The following HAPSTR1 variants were observed in gnomAD, a reference collection of about 807,000 sequenced individuals.
The protein encoded by HAPSTR1 is HUWE1-associated protein modifying stress responses 1.
At chr16:9,098,494 G>C in the HAPSTR1 span, among the ~76,000 whole-genome samples, 1 of 152,204 alleles carries the variant, frequency 6.6e-6, no homozygotes, top group African/African-American at 2.4e-5. Context: ...CTGTGACTTA[G>C]ATTGTTACAT....
chr16:9,093,034 G>A, the HAPSTR1 span: 2 of 1,580,776 alleles, frequency 1.3e-6, no homozygotes, highest in African/African-American at 2.7e-5. Context: ...GCCGATTCAG[G>A]GAAGGGCCGC....
chr16:9,113,600 T>C, the HAPSTR1 span, among the ~76,000 whole-genome samples: 6,676 of 152,244 alleles, frequency 0.044, 495 homozygotes, highest in African/African-American at 0.15. Flanking sequence ...TAATTTGAAA[T>C]GATAAAGGGG....
At chr16:9,096,948 T>C in the HAPSTR1 span, among the ~76,000 whole-genome samples, 6 of 152,204 alleles carry the variant, frequency 3.9e-5, no homozygotes, top group East Asian at 1.2e-3. Context: ...TCTTATTTTT[T>C]TTCCTTTTTT....
chr16:9,099,685 G>A, the HAPSTR1 span, among the ~76,000 whole-genome samples: 2 of 152,304 alleles, frequency 1.3e-5, no homozygotes, highest in South Asian at 2.1e-4. Flanking sequence ...ATAGGTACCC[G>A]AAAGTCCACG....
At chr16:9,097,636 C>T in the HAPSTR1 span, among the ~76,000 whole-genome samples, 20 of 152,218 alleles carry the variant, frequency 1.3e-4, no homozygotes, top group Non-Finnish European at 2.8e-4. Context: ...GCTCCTCTGA[C>T]TTAAAAGGCC....
At chr16:9,094,757 G>C in the HAPSTR1 span, among the ~76,000 whole-genome samples, 7 of 152,206 alleles carry the variant, frequency 4.6e-5, no homozygotes, top group South Asian at 6.2e-4. Context: ...TGCTTTTGTT[G>C]GTATTGCTTT....
chr16:9,098,284 G>A, the HAPSTR1 span, among the ~76,000 whole-genome samples: 2 of 152,282 alleles, frequency 1.3e-5, no homozygotes, highest in Non-Finnish European at 2.9e-5. Flanking sequence ...GGTGAGCCGA[G>A]ATCAGGCCAT....
chr16:9,092,891 G>GT, the HAPSTR1 span: 2 of 1,499,774 alleles, frequency 1.3e-6, no homozygotes, highest in Non-Finnish European at 1.8e-6. Flanking sequence ...TTTTCTTTTT[G>GT]GTTTTTTTTT....
chr16:9,094,440 G>A, the HAPSTR1 span, among the ~76,000 whole-genome samples: 2 of 152,086 alleles, frequency 1.3e-5, no homozygotes, highest in East Asian at 3.9e-4. Flanking sequence ...GTTTCTGGGA[G>A]TGTAATTTAC....
At chr16:9,116,855 C>A in the HAPSTR1 span, 2 of 1,614,178 alleles carry the variant, frequency 1.2e-6, no homozygotes, top group Non-Finnish European at 1.7e-6. Flanking sequence ...GTACCTCAGC[C>A]CAGTGTGGCG....
At chr16:9,117,382 T>C in the HAPSTR1 span, 1 of 161,992 alleles carries the variant, frequency 6.2e-6, no homozygotes, top group Non-Finnish European at 1.4e-5. Context: ...CACTGTACCA[T>C]GCACCTGGTT....
chr16:9,105,899 C>A, the HAPSTR1 span: 1 of 152,168 alleles, frequency 6.6e-6, no homozygotes, highest in Non-Finnish European at 1.5e-5. Context: ...GGACAGTTTT[C>A]CCTCAGTTTT....
At chr16:9,110,287 A>G in the HAPSTR1 span, 1 of 152,134 alleles carries the variant, frequency 6.6e-6, no homozygotes, top group African/African-American at 2.4e-5. Context: ...GCCGTATGAA[A>G]AAATCATTCG....
chr16:9,107,883 T>G, the HAPSTR1 span: 1 of 152,078 alleles, frequency 6.6e-6, no homozygotes, highest in Non-Finnish European at 1.5e-5. Flanking sequence ...TTTTTTGGCT[T>G]TAACAGAACA....
the HAPSTR1 span, chr16:9,092,897 T>G: frequency 6.5e-7 from 1 of 1,536,088 alleles, no homozygotes; most frequent in Non-Finnish European, 8.8e-7. Context: ...TTTTGGTTTT[T>G]TTTTTTTTTG....
chr16:9,115,972 T>A, the HAPSTR1 span, among the ~76,000 whole-genome samples: 2 of 152,082 alleles, frequency 1.3e-5, no homozygotes, highest in Non-Finnish European at 2.9e-5. Flanking sequence ...CCCTCTCCCC[T>A]CCCCACTTCC....
the HAPSTR1 span, among the ~76,000 whole-genome samples, chr16:9,097,066 A>G: frequency 6.6e-6 from 1 of 151,716 alleles, no homozygotes; most frequent in Non-Finnish European, 1.5e-5. Flanking sequence ...CAGCCTCCCC[A>G]GTAGCTGGGA....
the HAPSTR1 span, among the ~76,000 whole-genome samples, chr16:9,098,983 T>A: frequency 6.6e-6 from 1 of 152,164 alleles, no homozygotes; most frequent in South Asian, 2.1e-4. Context: ...AGTAATCTGA[T>A]TAATTTTATG....
chr16:9,098,999 A>G, the HAPSTR1 span, among the ~76,000 whole-genome samples: 1 of 152,160 alleles, frequency 6.6e-6, no homozygotes, highest in South Asian at 2.1e-4. Context: ...TTATGCAGTT[A>G]TGTAAGAAAG....
Sources: allele counts gnomAD v4.1 joint callset (sites outside exome capture counted in the v4.1 genomes callset), GRCh38; gene constraint gnomAD v4.1.1; transcripts MANE v1.5; gene names NCBI Gene and HGNC (gene_info 2026-07-23, HGNC 2026-07-21).